Variants in CPSF4L observed in about 807,000 individuals in gnomAD.
CPSF4L encodes cleavage and polyadenylation specific factor 4 like.
CPSF4L carries 18 observed loss-of-function variants against 24.0 expected under a neutral mutation model. That is an observed-to-expected ratio of 0.75 (90% CI 0.52 to 1.11). CPSF4L has a LOEUF of 1.11. Among genes scored for constraint, CPSF4L ranks in the 50% least tolerant of loss-of-function variants. The pLI is 0.00. For missense variants in CPSF4L, 211 were observed against 221.8 expected (o/e 0.95, Z 0.31); for synonymous variants, 72 against 77.2 (o/e 0.93, Z 0.35).
intron 2 of CPSF4L, 98 bp downstream of exon 2, chr17:73,260,835 G>A (rs531561558): frequency 8.4e-5 from 74 of 885,342 alleles, no homozygotes; most frequent in Non-Finnish European, 1.2e-4. Context: ...GTGCAAATTC[G>A]ACACCCTATC....
intron 2 of CPSF4L, 79 bp from the exon 3 acceptor site, chr17:73,257,912 A>T: frequency 6.2e-6 from 9 of 1,441,708 alleles, no homozygotes; most frequent in African/African-American, 1.4e-5. Flanking sequence ...GGGATTCCCC[A>T]GGAGGGTACC....
At chr17:73,256,577 T>G (rs2062025236) in intron 3 of CPSF4L, among the ~76,000 whole-genome samples, 1 of 152,236 alleles carries the variant, frequency 6.6e-6, no homozygotes, top group South Asian at 2.1e-4. Flanking sequence ...GGAAAACCAC[T>G]GGACTAGATA....
intron 1 of CPSF4L, among the ~76,000 whole-genome samples, 182 bp downstream of exon 1, chr17:73,261,534 G>A (rs972771275): frequency 4.6e-5 from 7 of 152,188 alleles, no homozygotes; most frequent in Non-Finnish European, 8.8e-5. Context: ...GGTGGCGGGC[G>A]CCTGTAGTCC....
At chr17:73,248,355 A>C (rs2061980792), downstream of CPSF4L, 1 of 774,258 alleles carries the variant, frequency 1.3e-6, no homozygotes, top group Admixed American at 2.4e-5. Context: ...AAAGAAAAAG[A>C]ACGTCTCTAA....
At chr17:73,253,050 G>A (rs934966494) in intron 4 of CPSF4L, among the ~76,000 whole-genome samples, 6 of 152,132 alleles carry the variant, frequency 3.9e-5, no homozygotes, top group Non-Finnish European at 7.4e-5. Context: ...ATTTAAGTAT[G>A]GGAGGTACAG....
downstream of CPSF4L, chr17:73,245,346 A>G: frequency 7.2e-7 from 1 of 1,380,656 alleles, no homozygotes; most frequent in Non-Finnish European, 9.4e-7. Context: ...ATCTAAAATA[A>G]TGATACAGGA....
chr17:73,263,743 G>C (rs2145288106), upstream of CPSF4L, among the ~76,000 whole-genome samples: 1 of 151,254 alleles, frequency 6.6e-6, no homozygotes, highest in Admixed American at 6.6e-5. Context: ...ATGGCTCTCT[G>C]AGGGATGGTC....
intron 5 of CPSF4L, chr17:73,251,250 A>G: frequency 1.0e-6 from 1 of 1,003,678 alleles, no homozygotes; most frequent in Admixed American, 3.3e-5. Context: ...TAAGTGCCAA[A>G]AGCATACCTT....
At chr17:73,263,408 C>T (rs2062054197), upstream of CPSF4L, among the ~76,000 whole-genome samples, 2 of 152,144 alleles carry the variant, frequency 1.3e-5, no homozygotes, top group African/African-American at 4.8e-5. Context: ...TAGCCATTCA[C>T]ACAATAATGC....
downstream of CPSF4L, chr17:73,245,299 GA>G (rs1386683650): frequency 2.1e-6 from 3 of 1,452,796 alleles, no homozygotes; most frequent in African/African-American, 2.9e-5. Flanking sequence ...GGGACAGGGA[GA>G]GGGGAGTGAA....
rs1271205612 is a variant in CPSF4L, at chr17:73,260,962, T to C, written c.125A>G (p.Asn42Ser). 2 of 1,550,336 alleles carry C rather than the reference T, an allele frequency of 1.3e-6. No individual in the cohort carries two copies. Among genetic ancestry groups the C allele is most frequent in the Non-Finnish European group, 1.7e-6 (2 of 1,146,316 alleles). Residue 42 changes from asparagine (N) to serine (S), a missense_variant, in exon 2 of 6, where the codon AAC becomes AGC. Physicochemically the swap from Asn to Ser is conservative, Grantham distance 46. Transcript: ENST00000344935. Reference protein sequence around the residue: ...GMDKSASAVCNFFTKGLCEKG... With the variant: ...GMDKSASAVCSFFTKGLCEKG... ...CTCACAGAGCCCTTTAGTGAAGAAGTTGCACACAGCTGAGGCCGACTCTGG... is the reference window on the plus strand; with the variant it reads ...CTCACAGAGCCCTTTAGTGAAGAAGCTGCACACAGCTGAGGCCGACTCTGG...
chr17:73,254,926 G>A (rs750132169), intron 3 of CPSF4L, among the ~76,000 whole-genome samples: 2 of 152,152 alleles, frequency 1.3e-5, no homozygotes, highest in Non-Finnish European at 2.9e-5. Flanking sequence ...ACAGGTGTGA[G>A]CCACCACGCC....
downstream of CPSF4L, chr17:73,245,307 TG>T (rs2061934703): frequency 7.0e-7 from 1 of 1,420,356 alleles, no homozygotes; most frequent in African/African-American, 1.5e-5. Context: ...GAGAGGGGAG[TG>T]AAAAAAATAA....
At chr17:73,248,194 A>G, downstream of CPSF4L, 2 of 365,780 alleles carry the variant, frequency 5.5e-6, no homozygotes, top group Non-Finnish European at 1.0e-5. Flanking sequence ...AGCCAGTTCC[A>G]ATCATGTATG....
chr17:73,250,322 A>G (rs2061999827), intron 5 of CPSF4L: 1 of 1,550,362 alleles, frequency 6.5e-7, no homozygotes, highest in African/African-American at 1.4e-5. Context: ...AGAAAAAGTG[A>G]ATGGCATGAC....
At chr17:73,252,777 A>C in intron 4 of CPSF4L, 54 bp from the exon 5 acceptor site, 1 of 1,318,400 alleles carries the variant, frequency 7.6e-7, no homozygotes, top group Non-Finnish European at 1.1e-6. Flanking sequence ...AGAGGGGAAA[A>C]CACACATGAA....
downstream of CPSF4L, chr17:73,245,276 A>C: frequency 6.5e-7 from 1 of 1,529,834 alleles, no homozygotes; most frequent in Non-Finnish European, 8.8e-7. Flanking sequence ...CAGTTTAAAA[A>C]TGTATAATAT....
At chr17:73,243,927 C>G (rs184290955), downstream of CPSF4L, among the ~76,000 whole-genome samples, 1 of 152,236 alleles carries the variant, frequency 6.6e-6, no homozygotes, top group East Asian at 1.9e-4. Flanking sequence ...TGCCTAAGAG[C>G]ACCTTTTTGG....
At chr17:73,245,018 T>C (rs1201574701), downstream of CPSF4L, 4 of 679,530 alleles carry the variant, frequency 5.9e-6, no homozygotes, top group East Asian at 5.8e-5. Context: ...GAACAGAGAC[T>C]GAAGAAAGTG....
Sources: allele counts gnomAD v4.1 joint callset (sites outside exome capture counted in the v4.1 genomes callset), GRCh38; gene constraint gnomAD v4.1.1; transcripts MANE v1.5; gene names NCBI Gene and HGNC (gene_info 2026-07-23, HGNC 2026-07-21).